The following TNS3 variants were observed in gnomAD, a reference collection of about 807,000 sequenced individuals.
The protein encoded by TNS3 is tensin 3, also known as tensin-3.
Under a neutral mutation model 140.9 loss-of-function variants are expected in TNS3, and 45 were observed. The ratio of observed to expected loss-of-function variants is 0.32; its 90% CI spans 0.25 to 0.41. TNS3 has a LOEUF of 0.41. TNS3 is among the 10% of genes least tolerant of loss of function. TNS3 has a pLI of 1.00. For missense variants in TNS3, 1,716 were observed against 1,906.7 expected, an observed-to-expected ratio of 0.90 and a Z score of 1.86; for synonymous variants, 815 against 788.4, an observed-to-expected ratio of 1.03 and a Z score of -0.56.
chr7:47,311,038 T>G (rs1025807904), intron 20 of TNS3, among the ~76,000 whole-genome samples: 2 of 152,222 alleles, frequency 1.3e-5, no homozygotes, highest in Non-Finnish European at 2.9e-5. Context: ...TACGTGTGCA[T>G]GTGTCTTTAT....
At chr7:47,349,800 T>A (rs1789559309) in intron 17 of TNS3, among the ~76,000 whole-genome samples, 1 of 152,200 alleles carries the variant, frequency 6.6e-6, no homozygotes, top group Non-Finnish European at 1.5e-5. Context: ...TGCACCCACA[T>A]CTGCCCAGGA....
chr7:47,475,449 C>G (rs1797154427), intron 4 of TNS3, among the ~76,000 whole-genome samples: 1 of 152,220 alleles, frequency 6.6e-6, no homozygotes, highest in African/African-American at 2.4e-5. Context: ...CTGAACCCTC[C>G]CACACCAGAG....
intron 1 of TNS3, among the ~76,000 whole-genome samples, chr7:47,541,764 C>T (rs1368355715): frequency 1.3e-5 from 2 of 151,904 alleles, no homozygotes; most frequent in Non-Finnish European, 2.9e-5. Context: ...CTGGCTAACA[C>T]GGTGAAACCC....
At chr7:47,573,037 C>T (rs74537193) in intron 1 of TNS3, among the ~76,000 whole-genome samples, 325 of 152,296 alleles carry the variant, frequency 2.1e-3, no homozygotes, top group African/African-American at 7.5e-3. Context: ...TCAAGGGTCA[C>T]GTGTGGCCCA....
At chr7:47,428,759 G>A (rs554837196) in intron 8 of TNS3, among the ~76,000 whole-genome samples, 1 of 152,340 alleles carries the variant, frequency 6.6e-6, no homozygotes, top group Admixed American at 6.5e-5. Flanking sequence ...CTGCTCACGG[G>A]CTGACAATGA....
intron 15 of TNS3, 65 bp from the exon 16 acceptor site, chr7:47,396,969 C>T: frequency 2.5e-6 from 3 of 1,185,194 alleles, no homozygotes; most frequent in Admixed American, 1.7e-5. Context: ...CAACCGACTC[C>T]ACCATAAGGA....
chr7:47,495,435 A>G (rs2960223), intron 3 of TNS3, among the ~76,000 whole-genome samples: 152,188 of 152,270 alleles, frequency 1, 76,053 homozygotes, highest in East Asian at 1. Flanking sequence ...AGAGTGGGGT[A>G]TCTGGAAGTA....
At chr7:47,285,110 C>T (rs866894029) in intron 27 of TNS3, among the ~76,000 whole-genome samples, 1 of 152,302 alleles carries the variant, frequency 6.6e-6, no homozygotes, top group African/African-American at 2.4e-5. Context: ...GACAGGTGTG[C>T]CACAGGGTGC....
At chr7:47,469,612 C>T (rs1218390506) in intron 4 of TNS3, among the ~76,000 whole-genome samples, 1 of 152,148 alleles carries the variant, frequency 6.6e-6, no homozygotes, top group Non-Finnish European at 1.5e-5. Context: ...ATGTTCATCA[C>T]CGTGCTATTC....
At chr7:47,470,809 A>AC (rs1250905170) in intron 4 of TNS3, among the ~76,000 whole-genome samples, 2 of 152,082 alleles carry the variant, frequency 1.3e-5, no homozygotes, top group African/African-American at 4.8e-5. Context: ...CCTGCTGTTG[A>AC]CCGTTCACAA....
intron 17 of TNS3, 147 bp from the exon 18 acceptor site, chr7:47,346,503 A>C (rs1480235065): frequency 1.0e-6 from 1 of 997,832 alleles, no homozygotes; most frequent in Non-Finnish European, 1.4e-6. Flanking sequence ...GTGGTTGCTG[A>C]AGGCAGCTGA....
At chr7:47,564,635 C>CAAAAA (rs749603752) in intron 1 of TNS3, among the ~76,000 whole-genome samples, 6,865 of 29,636 alleles carry the variant, frequency 0.23, 658 homozygotes, top group Non-Finnish European at 0.31. Flanking sequence ...GACTCCGTCT[C>CAAAAA]AAAAAAAAAA....
At chr7:47,280,123 T>C (rs1357812963) in intron 30 of TNS3, 41 bp downstream of exon 30, 1 of 1,612,926 alleles carries the variant, frequency 6.2e-7, no homozygotes. Flanking sequence ...GGAGTACAAC[T>C]GCAGACAAGG....
At chr7:47,406,996 C>A (rs1194495073) in intron 13 of TNS3, among the ~76,000 whole-genome samples, 1 of 152,112 alleles carries the variant, frequency 6.6e-6, no homozygotes, top group Non-Finnish European at 1.5e-5. Context: ...GCCCTGCACA[C>A]CCTCAGAACA....
Position 47,441,999 on chromosome 7 carries a change from T to G in TNS3, c.-23+4A>C, listed in dbSNP as rs1212930849. The G allele has an allele frequency of 7.8e-7, 1 of 1,290,062 alleles. No individual in the cohort carries two copies. The highest frequency in any genetic ancestry group is 5.6e-5 in the East Asian group (1 of 18,002). 79.9% of individuals were successfully genotyped at this position (1,290,062 alleles called of 1,614,324 possible). A position where few individuals can be genotyped will look rare whatever the true frequency, so the allele number is the denominator to read the frequency against. ...AGGAATGCATGACCCACACAGACAC[T>G]CACCGCAGAGGTTTATCACGGCAGA... On this transcript the variant is annotated splice_donor_region_variant and intron_variant, in intron 5 of 30. Coordinates refer to ENST00000311160, the MANE Select transcript of TNS3 (RefSeq NM_022748.12).
intron 1 of TNS3, among the ~76,000 whole-genome samples, chr7:47,580,706 A>G (rs1219685267): frequency 6.6e-6 from 1 of 152,120 alleles, no homozygotes; most frequent in Non-Finnish European, 1.5e-5. Flanking sequence ...CAAAGAGAGA[A>G]GAACCAGAAT....
At chr7:47,575,020 A>T (rs1371155110) in intron 1 of TNS3, among the ~76,000 whole-genome samples, 2 of 152,192 alleles carry the variant, frequency 1.3e-5, no homozygotes, top group East Asian at 3.8e-4. Context: ...AGTTCATGTT[A>T]TGCATGTTTT....
At chr7:47,374,695 G>A (rs781143507) in intron 16 of TNS3, among the ~76,000 whole-genome samples, 36 of 152,194 alleles carry the variant, frequency 2.4e-4, no homozygotes, top group Admixed American at 5.2e-4. Context: ...CCCCAAAGGC[G>A]CTGATCCATC....
chr7:47,469,128 T>C (rs1267752416), intron 4 of TNS3, among the ~76,000 whole-genome samples: 6 of 152,192 alleles, frequency 3.9e-5, no homozygotes, highest in Non-Finnish European at 8.8e-5. Flanking sequence ...CCTCAAACTA[T>C]AAAAATCCTG....
Sources: allele counts gnomAD v4.1 joint callset (sites outside exome capture counted in the v4.1 genomes callset), GRCh38; gene constraint gnomAD v4.1.1; transcripts MANE v1.5; gene names NCBI Gene and HGNC (gene_info 2026-07-23, HGNC 2026-07-21).